Variants in ARL2 observed in about 807,000 individuals in gnomAD.
ARL2 encodes the protein ARF like GTPase 2.
Under a neutral mutation model 22.0 loss-of-function variants are expected in ARL2, and 11 were observed. That is an observed-to-expected ratio of 0.50 (90% CI 0.31 to 0.83). The LOEUF (loss-of-function observed/expected upper bound fraction) is 0.83, where lower values mean the gene tolerates loss of function less well. Ranked by LOEUF, ARL2 falls within the 40% of genes least tolerant of loss-of-function variation. The pLI is 0.04. For missense variants in ARL2, 216 were observed against 243.2 expected, an observed-to-expected ratio of 0.89 and a Z score of 0.74; for synonymous variants, 111 against 100.8, an observed-to-expected ratio of 1.10 and a Z score of -0.61.
At chr11:65,014,393 C>G in intron 1 of ARL2, 121 bp downstream of exon 1, 6 of 760,280 alleles carry the variant, frequency 7.9e-6, no homozygotes, top group Non-Finnish European at 1.0e-5. Flanking sequence ...CCTGGCGTCA[C>G]CACGCGGGCC....
intron 4 of ARL2, 93 bp from the exon 5 acceptor site, chr11:65,021,628 C>T (rs994458348): frequency 8.4e-6 from 12 of 1,428,726 alleles, no homozygotes; most frequent in Admixed American, 4.6e-5. Context: ...TTGAGGAAGG[C>T]GTGGAGTTCC....
chr11:65,015,976 C>T (rs1279558980), intron 1 of ARL2, among the ~76,000 whole-genome samples: 29 of 152,096 alleles, frequency 1.9e-4, no homozygotes, highest in African/African-American at 5.8e-4. Context: ...AAGGCCGGGG[C>T]GGATGGATCG....
At chr11:65,020,304 G>A (rs1590732005) in intron 3 of ARL2, 115 bp from the exon 4 acceptor site, 3 of 866,016 alleles carry the variant, frequency 3.5e-6, no homozygotes, top group Non-Finnish European at 5.7e-6. Context: ...ACCACCACGG[G>A]GCCTCACCTT....
chr11:65,020,350 G>A (rs1483719035), intron 3 of ARL2, 69 bp from the exon 4 acceptor site: 1 of 1,314,862 alleles, frequency 7.6e-7, no homozygotes, highest in African/African-American at 1.5e-5. Flanking sequence ...CAGATGCTCT[G>A]GGCCATTAGA....
chr11:65,020,317 T>C, intron 3 of ARL2, 102 bp from the exon 4 acceptor site: 1 of 994,696 alleles, frequency 1.0e-6, no homozygotes, highest in East Asian at 2.6e-5. Flanking sequence ...CTCACCTTGA[T>C]CTTCCAGGTC....
intron 4 of ARL2, among the ~76,000 whole-genome samples, chr11:65,021,037 A>G (rs1436706513): frequency 6.6e-6 from 1 of 152,262 alleles, no homozygotes; most frequent in Non-Finnish European, 1.5e-5. Flanking sequence ...TGTTGTTCAC[A>G]GGCTAACGGT....
Position 65,018,843 on chromosome 11 carries a change from C to G in ARL2, c.339+110C>G, listed in dbSNP as rs769917578. Reference sequence around the variant, plus strand: ...GGGAAACCAGAGGCAGGATCCCTTCCTTCTCTGGGCCCCCACCATGGGAGG... The same window carrying G: ...GGGAAACCAGAGGCAGGATCCCTTCGTTCTCTGGGCCCCCACCATGGGAGG... On this transcript the variant is annotated intron_variant, in intron 3 of 4. Coordinates refer to ENST00000246747, the MANE Select transcript of ARL2 (RefSeq NM_001667.4). This position sits in a 1 kb window ranked among gnomAD's most constrained non-coding sequence, Gnocchi z 4.2. 1.4e-5 allele frequency: 21 copies of G among 1,545,784 alleles called. No individual in the cohort carries two copies. Among genetic ancestry groups the G allele is most frequent in the Non-Finnish European group, 1.7e-5 (20 of 1,151,640 alleles).
At chr11:65,021,543 A>C (rs1946327442) in intron 4 of ARL2, 178 bp from the exon 5 acceptor site, 4 of 683,222 alleles carry the variant, frequency 5.9e-6, no homozygotes, top group South Asian at 2.0e-5. Flanking sequence ...CAGAGAGCCC[A>C]GGTGCCCCTG....
At chr11:65,015,329 C>G (rs1298512256) in intron 1 of ARL2, among the ~76,000 whole-genome samples, 1 of 152,226 alleles carries the variant, frequency 6.6e-6, no homozygotes, top group Non-Finnish European at 1.5e-5. Context: ...GTTGGTCAGG[C>G]TGTTCTCGAA....
chr11:65,017,344 C>T (rs901156218), intron 1 of ARL2, among the ~76,000 whole-genome samples: 2 of 151,698 alleles, frequency 1.3e-5, no homozygotes. Context: ...TATAGGGGCC[C>T]GCCACCACGC....
Position 65,018,443 on chromosome 11 carries a change from G to T in ARL2, c.145G>T (p.Gly49Cys), listed in dbSNP as rs1257767412. 4 of 1,609,214 alleles carry T rather than the reference G, an allele frequency of 2.5e-6. No individual in the cohort carries two copies. In the South Asian group the frequency reaches 4.5e-5, roughly 18 times the overall value. The change falls in exon 2 of 5, where the codon GGC becomes TGC. Residue 49 changes from glycine (G) to cysteine (C), a missense_variant. Gly to Cys is a radical substitution (Grantham distance 159, BLOSUM62 -3). Transcript: ENST00000246747. The surrounding 1 kb of genome is among the most constrained non-coding windows in gnomAD (Gnocchi z 4.2). ...CATCGACACCATCTCCCCAACGCTG[G>T]GCTTCAACATCAAGACCCTGGAGCA... is the stretch of plus-strand genomic sequence containing the variant. ...EDIDTISPTLGFNIKTLEHRG... is the reference protein window; with the variant it reads ...EDIDTISPTLCFNIKTLEHRG...
At position 65,017,197 on chromosome 11, in the gene ARL2, C is replaced by CT. The variant is rs368785196; in HGVS notation, c.66-1154dup. 2.3e-3 allele frequency among the ~76,000 whole-genome samples: 335 copies of CT among 142,654 alleles called. 1 individual carries two copies. The highest frequency in any genetic ancestry group is 3.3e-3 in the Non-Finnish European group (216 of 64,670). The allele number at this position is 142,654 out of a possible 152,430, so 93.6% of individuals were successfully genotyped here. On this transcript the variant is annotated intron_variant, in intron 1 of 4. Coordinates refer to ENST00000246747, the MANE Select transcript of ARL2 (RefSeq NM_001667.4). ...AGAGAGATCAAGGGCTTTGTTTGCT[C>CT]TTTTTTTTTTTTTAATCAGACGGGG... is the stretch of plus-strand genomic sequence containing the variant.
chr11:65,016,025 G>A (rs956820205), intron 1 of ARL2, among the ~76,000 whole-genome samples: 1 of 151,952 alleles, frequency 6.6e-6, no homozygotes, highest in Middle Eastern at 3.2e-3. Context: ...TGGCCAACAT[G>A]GTGAAATCCC....
At chr11:65,016,671 A>C (rs1374827875) in intron 1 of ARL2, among the ~76,000 whole-genome samples, 1 of 151,862 alleles carries the variant, frequency 6.6e-6, no homozygotes, top group African/African-American at 2.4e-5. Flanking sequence ...GCCATGTGAG[A>C]TGCCTCCGAG....
Position 65,018,220 on chromosome 11 carries a change from A to G in ARL2, c.66-144A>G. ...GATATTTATAATTTGATACTTTCAT[A>G]TTTATTGTGGGCCGATTATGGTCAG... On this transcript the variant is annotated intron_variant, in intron 1 of 4. Transcript: ENST00000246747. The surrounding 1 kb of genome is among the most constrained non-coding windows in gnomAD (Gnocchi z 4.2). 1 of 650,390 alleles carries G rather than the reference A, an allele frequency of 1.5e-6. No homozygotes were observed. The highest frequency in any genetic ancestry group is 2.6e-6 in the Non-Finnish European group (1 of 379,940). 40.3% of individuals were successfully genotyped at this position (650,390 alleles called of 1,614,324 possible).
chr11:65,020,869 C>CAAAAAAAAA (rs58186585), intron 4 of ARL2, among the ~76,000 whole-genome samples: 4 of 68,076 alleles, frequency 5.9e-5, no homozygotes, highest in Admixed American at 1.6e-4. Context: ...GACTTCGTCT[C>CAAAAAAAAA]AAAAAAAAAA....
rs1447852844 is a variant in ARL2, at chr11:65,018,782, T to G, written c.339+49T>G. On this transcript the variant is annotated intron_variant, in intron 3 of 4. Coordinates refer to ENST00000246747, the MANE Select transcript of ARL2 (RefSeq NM_001667.4). The surrounding 1 kb of genome is among the most constrained non-coding windows in gnomAD (Gnocchi z 4.2). ...TACATGTATGGACGTGTGGCTGCCT[T>G]CTCAGCAGATGCCCAGAGGGGCCCG... is the stretch of plus-strand genomic sequence containing the variant. 11 of 1,607,646 alleles carry G rather than the reference T, an allele frequency of 6.8e-6. 1 individual carries two copies. Among genetic ancestry groups the G allele is most frequent in the Middle Eastern group, 3.3e-4 (2 of 6,060 alleles).
Position 65,018,768 on chromosome 11 carries a change from A to G in ARL2, c.339+35A>G. 1 of 1,611,596 alleles carries G rather than the reference A, an allele frequency of 6.2e-7. No homozygotes were observed. The highest frequency in any genetic ancestry group is 8.5e-7 in the Non-Finnish European group (1 of 1,179,784). On this transcript the variant is annotated intron_variant, in intron 3 of 4. Transcript: ENST00000246747. This position sits in a 1 kb window ranked among gnomAD's most constrained non-coding sequence, Gnocchi z 4.2. ...TCCTACCCTTTGTGTACATGTATGG[A>G]CGTGTGGCTGCCTTCTCAGCAGATG...
chr11:65,020,577 T>C (rs890431908), intron 4 of ARL2, 78 bp downstream of exon 4: 55 of 1,425,074 alleles, frequency 3.9e-5, no homozygotes, highest in Non-Finnish European at 5.2e-5. Flanking sequence ...TTATTAAAAA[T>C]AACCAAAAAG....
Sources: gnomAD v4.1 joint callset for allele counts (sites outside exome capture counted in the v4.1 genomes callset) on GRCh38, gnomAD v4.1.1 for gene constraint, Gnocchi (gnomAD v3.1) non-coding constraint, MANE v1.5 for transcripts, NCBI Gene and HGNC (gene_info 2026-07-23, HGNC 2026-07-21) for gene names.